Variants in SPIDR observed in about 807,000 individuals in gnomAD.
SPIDR encodes scaffold protein involved in DNA repair, also known as DNA repair-scaffolding protein.
Under a neutral mutation model 104.6 loss-of-function variants are expected in SPIDR, and 93 were observed. That is an observed-to-expected ratio of 0.89 (90% CI 0.75 to 1.06). The LOEUF (loss-of-function observed/expected upper bound fraction) is 1.06, where lower values mean the gene tolerates loss of function less well. Among genes scored for constraint, SPIDR ranks in the 50% least tolerant of loss-of-function variants. The pLI is 0.00. For synonymous variants in SPIDR, 431 were observed against 416.9 expected (o/e 1.03, Z -0.41); for missense variants, 1,154 against 1,111.2 (o/e 1.04, Z -0.55).
chr8:47,696,477 A>C (rs1292542963), intron 11 of SPIDR, among the ~76,000 whole-genome samples: 1 of 152,222 alleles, frequency 6.6e-6, no homozygotes, highest in African/African-American at 2.4e-5. Flanking sequence ...ATGTTTTTAA[A>C]ATTAAAGTTA....
intron 7 of SPIDR, among the ~76,000 whole-genome samples, chr8:47,413,873 T>A (rs1442166192): frequency 6.6e-6 from 1 of 152,232 alleles, no homozygotes; most frequent in East Asian, 1.9e-4. Flanking sequence ...AAGGCCAGAT[T>A]TGAACTGTCA....
intron 5 of SPIDR, among the ~76,000 whole-genome samples, chr8:47,393,733 C>G (rs1394591793): frequency 1.4e-5 from 1 of 73,698 alleles, no homozygotes; most frequent in Non-Finnish European, 2.7e-5. Flanking sequence ...CTTTCCTTTC[C>G]TTCCTTTCAT....
intron 8 of SPIDR, among the ~76,000 whole-genome samples, chr8:47,485,610 G>A (rs1442108011): frequency 6.6e-6 from 1 of 152,206 alleles, no homozygotes; most frequent in Non-Finnish European, 1.5e-5. Context: ...CCCAGTAGGG[G>A]GAGACTGACA....
chr8:47,707,688 A>G (rs747330210), intron 14 of SPIDR, among the ~76,000 whole-genome samples: 30 of 152,108 alleles, frequency 2.0e-4, no homozygotes, highest in Non-Finnish European at 3.5e-4. Flanking sequence ...ATAGGTCCCA[A>G]AGTTATTCTT....
intron 6 of SPIDR, among the ~76,000 whole-genome samples, chr8:47,399,597 C>T (rs2154315078): frequency 6.6e-6 from 1 of 152,274 alleles, no homozygotes; most frequent in South Asian, 2.1e-4. Context: ...GGATCAGGCC[C>T]TGTTGGGAAG....
chr8:47,466,954 A>T lies in SPIDR; in HGVS notation c.1097+26412A>T, dbSNP rs552417957. Among the ~76,000 whole-genome samples the T allele has an allele frequency of 1.2e-3, 175 of 147,274 alleles. 1 individual carries two copies. Among genetic ancestry groups the T allele is most frequent in the African/African-American group, 3.0e-3 (120 of 39,898 alleles). ...ATAGATAGATAGATAGATAGATATA[A>T]AAAATAGACTGCTAGCTAGACTAAA... On this transcript the variant is annotated intron_variant, in intron 8 of 19. Coordinates refer to ENST00000297423, the MANE Select transcript of SPIDR (RefSeq NM_001080394.4).
chr8:47,651,947 C>T (rs985689683), intron 10 of SPIDR, among the ~76,000 whole-genome samples: 3 of 152,062 alleles, frequency 2.0e-5, no homozygotes, highest in Admixed American at 6.6e-5. Flanking sequence ...ACTACAGAGA[C>T]TTAGATGGGG....
At chr8:47,506,086 T>G (rs1448149784) in intron 8 of SPIDR, among the ~76,000 whole-genome samples, 2 of 152,200 alleles carry the variant, frequency 1.3e-5, no homozygotes, top group African/African-American at 4.8e-5. Context: ...GTACCTCCTT[T>G]GTTTCTTGTA....
Position 47,708,065 on chromosome 8 carries a change from C to T in SPIDR, c.1978-4597C>T, listed in dbSNP as rs182230474. On this transcript the variant is annotated intron_variant, in intron 14 of 19. Transcript: ENST00000297423. ...CTGTAATCCCAGCACTTTGGGAGGC[C>T]GAGGCAGGTGGATCAGCTGAGGTCA... is the stretch of plus-strand genomic sequence containing the variant. Among the ~76,000 whole-genome samples the T allele has an allele frequency of 8.5e-5, 13 of 152,236 alleles. No homozygotes were observed. The East Asian group carries it at 9.7e-4, about 11-fold the overall frequency.
At chr8:47,317,559 C>G (rs1586845076) in intron 5 of SPIDR, among the ~76,000 whole-genome samples, 1 of 152,192 alleles carries the variant, frequency 6.6e-6, no homozygotes, top group Middle Eastern at 3.4e-3. Flanking sequence ...CAGCAGAATC[C>G]TCTGTAGACT....
At chr8:47,352,284 A>AC (rs1554622927) in intron 5 of SPIDR, among the ~76,000 whole-genome samples, 1 of 151,686 alleles carries the variant, frequency 6.6e-6, no homozygotes, top group Non-Finnish European at 1.5e-5. Context: ...TCAACAAAAA[A>AC]AAAAAAAAGA....
intron 8 of SPIDR, among the ~76,000 whole-genome samples, chr8:47,516,788 C>A (rs2083236785): frequency 6.6e-6 from 1 of 151,848 alleles, no homozygotes; most frequent in East Asian, 1.9e-4. Flanking sequence ...TTTTTTTCGG[C>A]TATAGATCTA....
intron 6 of SPIDR, among the ~76,000 whole-genome samples, chr8:47,405,259 C>T (rs1013577241): frequency 6.6e-6 from 1 of 150,610 alleles, no homozygotes; most frequent in South Asian, 2.1e-4. Context: ...ATGTAGATGA[C>T]GAGTTAACGG....
intron 5 of SPIDR, among the ~76,000 whole-genome samples, chr8:47,349,890 C>T (rs1222433710): frequency 6.6e-6 from 1 of 152,182 alleles, no homozygotes; most frequent in Non-Finnish European, 1.5e-5. Flanking sequence ...CTTCCCTTGG[C>T]TAGGAAAGGG....
At chr8:47,532,740 T>G (rs1251840532) in intron 8 of SPIDR, among the ~76,000 whole-genome samples, 2 of 152,210 alleles carry the variant, frequency 1.3e-5, no homozygotes, top group Non-Finnish European at 2.9e-5. Context: ...CAGGCAGAAC[T>G]CAATAAAGGC....
At chr8:47,492,713 A>G (rs2078903681) in intron 8 of SPIDR, among the ~76,000 whole-genome samples, 1 of 152,120 alleles carries the variant, frequency 6.6e-6, no homozygotes, top group Non-Finnish European at 1.5e-5. Flanking sequence ...TTTAGGAAGC[A>G]TACGTCTGGC....
intron 16 of SPIDR, among the ~76,000 whole-genome samples, chr8:47,724,736 C>A (rs543234840): frequency 6.6e-6 from 1 of 152,326 alleles, no homozygotes; most frequent in South Asian, 2.1e-4. Context: ...TGAGAGCTGG[C>A]AGCATCCCTC....
At chr8:47,332,959 A>T (rs1554605606) in intron 5 of SPIDR, among the ~76,000 whole-genome samples, 2 of 147,356 alleles carry the variant, frequency 1.4e-5, no homozygotes, top group Admixed American at 6.8e-5. Flanking sequence ...TTGCCTGTTC[A>T]CTCTGATGGT....
intron 8 of SPIDR, among the ~76,000 whole-genome samples, chr8:47,594,719 C>A (rs1156543655): frequency 1.3e-5 from 2 of 152,042 alleles, no homozygotes; most frequent in South Asian, 2.1e-4. Context: ...CAGGGCCGGG[C>A]ACAGTGGCTC....
Sources: allele counts gnomAD v4.1 joint callset (sites outside exome capture counted in the v4.1 genomes callset), GRCh38; gene constraint gnomAD v4.1.1; transcripts MANE v1.5; gene names NCBI Gene and HGNC (gene_info 2026-07-23, HGNC 2026-07-21).